MAP3K6: variants seen among roughly 807,000 people sequenced by gnomAD.
The protein encoded by MAP3K6 is apoptosis signal-regulating kinase 2.
Under a neutral mutation model 147.1 loss-of-function variants are expected in MAP3K6, and 105 were observed. The observed-to-expected ratio is 0.71, with a 90% CI of 0.61 to 0.84. The LOEUF is 0.84. Among genes scored for constraint, MAP3K6 ranks in the 40% least tolerant of loss-of-function variants. MAP3K6 has a pLI of 0.00. For missense variants in MAP3K6, 1,569 were observed against 1,715.0 expected (o/e 0.91, Z 1.50); for synonymous variants, 695 against 732.4 (o/e 0.95, Z 0.82).
Position 27,360,907 on chromosome 1 carries a change from T to A in MAP3K6, c.1920+14A>T. 6.2e-7 allele frequency: 1 copy of A among 1,607,878 alleles called. No homozygotes were observed. Among genetic ancestry groups the A allele is most frequent in the South Asian group, 1.1e-5 (1 of 90,718 alleles). ...CCCCTCGCCCTCCGCGAGCTCCCAG[T>A]CCCGCGTCCTCACCTCCAACATCTC... On this transcript the variant is annotated intron_variant, in intron 14 of 28. Coordinates refer to ENST00000357582, the MANE Select transcript of MAP3K6 (RefSeq NM_004672.5). This position sits in a 1 kb window ranked among gnomAD's most constrained non-coding sequence, Gnocchi z 4.5.
At position 27,358,951 on chromosome 1, in the gene MAP3K6, C is replaced by T. The variant is rs1191521830; in HGVS notation, c.2426-85G>A. ...GAGGGGAATGCCGTCATCCTCAGGC[C>T]GACTGCACCCATACTGAACCTATCA... On this transcript the variant is annotated intron_variant, in intron 18 of 28. Transcript: ENST00000357582. This position sits in a 1 kb window ranked among gnomAD's most constrained non-coding sequence, Gnocchi z 6.2. 17 of 1,351,604 alleles carry T rather than the reference C, an allele frequency of 1.3e-5. No individual in the cohort carries two copies. The highest frequency in any genetic ancestry group is 1.2e-4 in the African/African-American group (8 of 68,460). 83.7% of individuals were successfully genotyped at this position (1,351,604 alleles called of 1,614,324 possible). A position where few individuals can be genotyped will look rare whatever the true frequency, so the allele number is the denominator to read the frequency against.
chr1:27,363,987 C>G lies in MAP3K6; in HGVS notation c.794G>C (p.Arg265Thr). ...GCTCAGCAGCTCCACGCTGTCCAGT[C>G]TCCGCTGCAGGCGAGCCAGCTCCTG... ...LRQELARLQR[R>T]LDSVELLSPD... is the part of the protein sequence containing the mutation. Residue 265 changes from arginine (R) to threonine (T), a missense_variant, in exon 5 of 29, where the codon AGA (arginine) becomes ACA (threonine). By Grantham distance (71) the Arg-to-Thr change is moderately conservative. Coordinates refer to ENST00000357582, the MANE Select transcript of MAP3K6 (RefSeq NM_004672.5). 1 of 1,611,012 alleles carries G rather than the reference C, an allele frequency of 6.2e-7. No individual in the cohort carries two copies. Among genetic ancestry groups the G allele is most frequent in the Non-Finnish European group, 8.5e-7 (1 of 1,179,932 alleles).
chr1:27,357,878 T>C lies in MAP3K6; in HGVS notation c.2916-2A>G. ...TCGGCCGCAGGCTCCTCGGGCACCC[T>C]GGGCACAAGGGCGAGCTGCTGATTG... is the stretch of plus-strand genomic sequence containing the variant. On this transcript the variant is annotated splice_acceptor_variant, in intron 21 of 28. Coordinates refer to ENST00000357582, the MANE Select transcript of MAP3K6 (RefSeq NM_004672.5). LOFTEE classifies it high-confidence loss of function. The C allele has an allele frequency of 6.3e-7, 1 of 1,587,038 alleles. No individual in the cohort carries two copies. The highest frequency in any genetic ancestry group is 8.5e-7 in the Non-Finnish European group (1 of 1,172,180).
rs748771625 is a variant in MAP3K6, at chr1:27,360,847, C to A, written c.1921-9G>T. The A allele has an allele frequency of 4.2e-5, 67 of 1,612,324 alleles. No homozygotes were observed. Among genetic ancestry groups the A allele is most frequent in the East Asian group, 6.7e-5 (3 of 44,872 alleles). On this transcript the variant is annotated splice_polypyrimidine_tract_variant and intron_variant, in intron 14 of 28. Coordinates refer to ENST00000357582, the MANE Select transcript of MAP3K6 (RefSeq NM_004672.5). The surrounding 1 kb of genome is among the most constrained non-coding windows in gnomAD (Gnocchi z 4.5). The stretch of plus-strand genomic sequence containing the variant: ...GTGTACTCATAATCAAACTGCCGGG[C>A]GCGGGGTGAGATGGGAGTTCAGCAG...
Position 27,357,080 on chromosome 1 carries a change from G to C in MAP3K6, c.3293C>G (p.Pro1098Arg). 1.2e-6 allele frequency: 2 copies of C among 1,614,098 alleles called. No homozygotes were observed. The highest frequency in any genetic ancestry group is 1.7e-6 in the Non-Finnish European group (2 of 1,180,024). Residue 1098 changes from proline (P) to arginine (R), a missense_variant, in exon 24 of 29, where the codon CCA (proline) becomes CGA (arginine). Coordinates refer to ENST00000357582, the MANE Select transcript of MAP3K6 (RefSeq NM_004672.5). ...TGAGTCCAGAACGAACATCCAGTGT[G>C]GACGGATCTGGCGCTTGCGGAGGAT... ...KQILRKRQIRPHWMFVLDSLL... is the reference protein window; with the variant it reads ...KQILRKRQIRRHWMFVLDSLL...
intron 6 of MAP3K6, 99 bp downstream of exon 6, chr1:27,363,343 G>A (rs1232656564): frequency 9.1e-6 from 9 of 990,726 alleles, no homozygotes; most frequent in East Asian, 8.4e-5. Flanking sequence ...CAAATTCCCC[G>A]AACAGCAGTG....
chr1:27,357,215 G>A, intron 23 of MAP3K6, 101 bp from the exon 24 acceptor site: 2 of 1,293,520 alleles, frequency 1.5e-6, no homozygotes, highest in Non-Finnish European at 1.1e-6. Context: ...GGCGAGTGGG[G>A]TGGGCGGGCT....
Position 27,357,412 on chromosome 1 carries a change from G to A in MAP3K6, c.3246C>T (p.Ala1082=). The A allele has an allele frequency of 6.3e-7, 1 of 1,591,840 alleles. No homozygotes were observed. The highest frequency in any genetic ancestry group is 8.6e-7 in the Non-Finnish European group (1 of 1,165,298). Residue 1082 remains alanine, a synonymous_variant, in exon 23 of 29, where the codon GCC becomes GCT. Coordinates refer to ENST00000357582, the MANE Select transcript of MAP3K6 (RefSeq NM_004672.5). ...AAGGCGCCCTCACCGCATCCGGGAAGGCAAACAGCGGTCTGTGCAGAAGCG... is the reference window on the plus strand; with the variant it reads ...AAGGCGCCCTCACCGCATCCGGGAAAGCAAACAGCGGTCTGTGCAGAAGCG... The part of the protein sequence containing the change: ...GPALLHRPLF[A]FPDAVKQILR...
intron 1 of MAP3K6, among the ~76,000 whole-genome samples, chr1:27,365,404 T>G (rs919451590): frequency 1.3e-5 from 2 of 152,212 alleles, no homozygotes; most frequent in African/African-American, 4.8e-5. Context: ...AGGGCCTGCA[T>G]GAGTCAACAT....
In MAP3K6 at chr1:27,355,734, A is replaced by G. The variant is rs778055953; in HGVS notation, c.3723T>C (p.His1241=). The change falls in exon 28 of 29, where the codon CAT becomes CAC. Residue 1241 remains histidine, a synonymous_variant. Coordinates refer to ENST00000357582, the MANE Select transcript of MAP3K6 (RefSeq NM_004672.5). ...DSGTIQMLLN[H]SFTLHTLLTY... The stretch of plus-strand genomic sequence containing the variant: ...TGAGCAGAGTGTGGAGGGTGAAGCT[A>G]TGGTTCAACAGCTGGATGTGGTCAA... 3 of 1,613,932 alleles carry G rather than the reference A, an allele frequency of 1.9e-6. No individual in the cohort carries two copies. The highest frequency in any genetic ancestry group is 2.5e-6 in the Non-Finnish European group (3 of 1,179,960).
chr1:27,357,449 C>G lies in MAP3K6; in HGVS notation c.3209G>C (p.Gly1070Ala). 6.2e-7 allele frequency: 1 copy of G among 1,613,402 alleles called. No individual in the cohort carries two copies. The highest frequency in any genetic ancestry group is 1.1e-5 in the South Asian group (1 of 91,030). The change falls in exon 23 of 29, where the codon GGC (glycine) becomes GCC (alanine). Residue 1070 changes from glycine (G) to alanine (A), a missense_variant. By Grantham distance (60) the Gly-to-Ala change is moderately conservative (BLOSUM62 0). Coordinates refer to ENST00000357582, the MANE Select transcript of MAP3K6 (RefSeq NM_004672.5). ...RALQGRLRAQ[G>A]LGPALLHRPL... ...TCTGTGCAGAAGCGCAGGCCCAAGG[C>G]CCTGGGCCCTCAGCCGTCCTTGCAG...
chr1:27,357,004 C>T lies in MAP3K6; in HGVS notation c.3364+5G>A. 1 of 1,613,418 alleles carries T rather than the reference C, an allele frequency of 6.2e-7. No individual in the cohort carries two copies. Among genetic ancestry groups the T allele is most frequent in the Non-Finnish European group, 8.5e-7 (1 of 1,179,656 alleles). The stretch of plus-strand genomic sequence containing the variant: ...GGCAGGAGGCCCGTGGCATTCCCCT[C>T]CTACCCGGTCCTAGCACACCCAGGG... On this transcript the variant is annotated splice_donor_5th_base_variant and intron_variant, in intron 24 of 28. Transcript: ENST00000357582.
rs2015875978 is a variant in MAP3K6, at chr1:27,363,920, C to T, written c.861G>A (p.Val287=). The change falls in exon 5 of 29, where the codon GTG becomes GTA. Residue 287 remains valine, a synonymous_variant. Transcript: ENST00000357582. The stretch of plus-strand genomic sequence containing the variant: ...TGCCTCTCTGAACACCACGCACCTG[C>T]ACATCGCGGTAGGAGAGCAGCAAGT... ...IMNLLLSYRD[V]QDYSAIIELV... is the part of the protein sequence containing the mutation. The T allele has an allele frequency of 1.3e-6, 2 of 1,589,468 alleles. No homozygotes were observed. The highest frequency in any genetic ancestry group is 1.1e-5 in the South Asian group (1 of 89,514).
rs199627707 is a variant in MAP3K6 at position 27,356,636 on chromosome 1, C to T, written c.3478G>A (p.Ala1160Thr). Residue 1160 changes from alanine (A) to threonine (T), a missense_variant, in exon 25 of 29, where the codon GCT becomes ACT. Coordinates refer to ENST00000357582, the MANE Select transcript of MAP3K6 (RefSeq NM_004672.5). ...AGGCTCAGCTGCACCATCAGAGGAGCGGGGCCCTGCTCGGGCTCCACCGGA... is the reference window on the plus strand; with the variant it reads ...AGGCTCAGCTGCACCATCAGAGGAGTGGGGCCCTGCTCGGGCTCCACCGGA... ...PLPVEPEQGP[A>T]PLMVQLSLLR... The T allele has an allele frequency of 8.7e-6, 14 of 1,612,320 alleles. No homozygotes were observed. In the South Asian group the frequency reaches 1.3e-4, roughly 15 times the overall value.
chr1:27,356,557 G>GA (rs755139340), intron 25 of MAP3K6, 33 bp downstream of exon 25: 1 of 1,611,258 alleles, frequency 6.2e-7, no homozygotes, highest in East Asian at 2.2e-5. Context: ...TTGAAGCCCG[G>GA]CAGAGGCTAT....
In MAP3K6 at chr1:27,360,799, G is replaced by A. The variant is rs775723698; in HGVS notation, c.1960C>T (p.Leu654=). ...ACCACCCCATACGTGCCCTTGCCCAGCACCAGCCGCTCGCCCGTCTCCGTG... is the reference window on the plus strand; with the variant it reads ...ACCACCCCATACGTGCCCTTGCCCAACACCAGCCGCTCGCCCGTCTCCGTG... ...EYTETGERLV[L]GKGTYGVVYA... is the part of the protein sequence containing the mutation. The change falls in exon 15 of 29, where the codon CTG becomes TTG. Residue 654 remains leucine, a synonymous_variant. Transcript: ENST00000357582. This position sits in a 1 kb window ranked among gnomAD's most constrained non-coding sequence, Gnocchi z 4.5. 6 of 1,612,714 alleles carry A rather than the reference G, an allele frequency of 3.7e-6. No individual in the cohort carries two copies. The highest frequency in any genetic ancestry group is 3.4e-6 in the Non-Finnish European group (4 of 1,179,878).
chr1:27,360,256 C>T lies in MAP3K6; in HGVS notation c.2167G>A (p.Glu723Lys). 1 of 1,614,120 alleles carries T rather than the reference C, an allele frequency of 6.2e-7. No individual in the cohort carries two copies. Among genetic ancestry groups the T allele is most frequent in the South Asian group, 1.1e-5 (1 of 91,082 alleles). The change falls in exon 16 of 29, where the codon GAG becomes AAG. Residue 723 changes from glutamate (E) to lysine (K), a missense_variant. Coordinates refer to ENST00000357582, the MANE Select transcript of MAP3K6 (RefSeq NM_004672.5). The surrounding 1 kb of genome is among the most constrained non-coding windows in gnomAD (Gnocchi z 4.5). ...SQGGYLKIFM[E>K]EVPGGSLSSL... ...GGGCAGGTACCTCCAGGCACTTCCT[C>T]CATGAAGATCTTAAGGTAGCCGCCC...
chr1:27,364,292 C>G lies in MAP3K6; in HGVS notation c.607G>C (p.Val203Leu), dbSNP rs202156425. ...GLLRGLADGL[V>L]QAGVGTEALL... Reference sequence around the variant, plus strand: ...GCCTCGGTCCCCACTCCAGCCTGTACCAGCCCATCAGCCAGGCCCCGCAGA... The same window carrying G: ...GCCTCGGTCCCCACTCCAGCCTGTAGCAGCCCATCAGCCAGGCCCCGCAGA... The change falls in exon 4 of 29, where the codon GTA (valine) becomes CTA (leucine). Residue 203 changes from valine (V) to leucine (L), a missense_variant. Transcript: ENST00000357582. This position sits in a 1 kb window ranked among gnomAD's most constrained non-coding sequence, Gnocchi z 4.4. 2 of 1,613,982 alleles carry G rather than the reference C, an allele frequency of 1.2e-6. No homozygotes were observed. Among genetic ancestry groups the G allele is most frequent in the Non-Finnish European group, 8.5e-7 (1 of 1,180,030 alleles).
Position 27,361,173 on chromosome 1 carries a change from C to G in MAP3K6, c.1816G>C (p.Val606Leu), listed in dbSNP as rs755569477. ...AQDVQLCFPSVGHCQWFCGLI... is the reference protein window; with the variant it reads ...AQDVQLCFPSLGHCQWFCGLI... ...GCTGCGCACCACTGGCAGTGCCCTA[C>G]GCTGGGGAAGCACAGCTGGACGTCC... is the stretch of plus-strand genomic sequence containing the variant. The change falls in exon 13 of 29, where the codon GTA becomes CTA. Residue 606 changes from valine (V) to leucine (L), a missense_variant. Transcript: ENST00000357582. The G allele has an allele frequency of 1.2e-6, 2 of 1,611,344 alleles. No individual in the cohort carries two copies. The highest frequency in any genetic ancestry group is 1.3e-5 in the African/African-American group (1 of 74,934).
Sources: gnomAD v4.1 joint callset for allele counts (sites outside exome capture counted in the v4.1 genomes callset) on GRCh38, gnomAD v4.1.1 for gene constraint, Gnocchi (gnomAD v3.1) non-coding constraint, MANE v1.5 for transcripts, NCBI Gene and HGNC (gene_info 2026-07-23, HGNC 2026-07-21) for gene names.